SEPTIN2: variants seen among roughly 807,000 people sequenced by gnomAD.
SEPTIN2 encodes the protein septin 2.
In SEPTIN2, 34 loss-of-function variants were observed where a neutral mutation model predicts 46.5. The ratio of observed to expected loss-of-function variants is 0.73; its 90% CI spans 0.56 to 0.97. The LOEUF (loss-of-function observed/expected upper bound fraction) is 0.97. SEPTIN2 is among the 50% of genes least tolerant of loss of function. The pLI, the probability that SEPTIN2 is intolerant of heterozygous loss-of-function variation, is 0.00. For missense variants in SEPTIN2, 347 were observed against 448.4 expected, an observed-to-expected ratio of 0.77 and a Z score of 2.04; for synonymous variants, 175 against 153.4, an observed-to-expected ratio of 1.14 and a Z score of -1.04.
intron 3 of SEPTIN2, among the ~76,000 whole-genome samples, chr2:241,327,652 C>T (rs971411948): frequency 6.6e-6 from 1 of 151,772 alleles, no homozygotes; most frequent in Non-Finnish European, 1.5e-5. Context: ...TAACACGCTA[C>T]CAGAAACTAC....
chr2:241,345,562 T>C (rs1352695851), intron 9 of SEPTIN2, among the ~76,000 whole-genome samples: 1 of 152,254 alleles, frequency 6.6e-6, no homozygotes, highest in African/African-American at 2.4e-5. Flanking sequence ...TGCTCATTCT[T>C]GCCTGCTTTT....
chr2:241,324,624 A>G (rs1377206901), intron 2 of SEPTIN2: 2 of 300,438 alleles, frequency 6.7e-6, no homozygotes, highest in Non-Finnish European at 1.3e-5. Context: ...TGACCTCGTG[A>G]TCCACCCGCT....
chr2:241,333,650 C>G (rs1426882715), intron 3 of SEPTIN2, among the ~76,000 whole-genome samples: 2 of 151,672 alleles, frequency 1.3e-5, no homozygotes, highest in African/African-American at 2.4e-5. Context: ...ACTACAGGCG[C>G]CCGCCACCAC....
chr2:241,350,279 C>T, intron 12 of SEPTIN2, 76 bp downstream of exon 12: 1 of 741,820 alleles, frequency 1.3e-6, no homozygotes, highest in Non-Finnish European at 2.1e-6. Context: ...ACAGGTTCCT[C>T]CTTAAGCCTC....
rs560942587 is a variant in SEPTIN2 at position 241,331,921 on chromosome 2, A to G, written c.131-3205A>G. On this transcript the variant is annotated intron_variant, in intron 3 of 12. Coordinates refer to ENST00000391971, the MANE Select transcript of SEPTIN2 (RefSeq NM_004404.5). ...TAGACCCATCAATATAATAAGTTCA[A>G]TTGTTTTTTTGGTTTCGTTTTTTGA... Among the ~76,000 whole-genome samples, 5 of 152,248 alleles carry G rather than the reference A, an allele frequency of 3.3e-5. No homozygotes were observed. The South Asian group carries it at 6.2e-4, about 19-fold the overall frequency.
intron 3 of SEPTIN2, among the ~76,000 whole-genome samples, chr2:241,332,226 C>G (rs2079115388): frequency 6.6e-6 from 1 of 152,088 alleles, no homozygotes; most frequent in Non-Finnish European, 1.5e-5. Context: ...GAAAAGACAT[C>G]AATAGGAAAA....
intron 10 of SEPTIN2, among the ~76,000 whole-genome samples, chr2:241,347,484 G>T (rs2060362768): frequency 6.6e-6 from 1 of 152,184 alleles, no homozygotes; most frequent in Admixed American, 6.5e-5. Flanking sequence ...TGCTTGGGGA[G>T]CTTACCCTTT....
At chr2:241,318,894 C>T (rs1285455560) in intron 1 of SEPTIN2, among the ~76,000 whole-genome samples, 1 of 151,984 alleles carries the variant, frequency 6.6e-6, no homozygotes, top group Non-Finnish European at 1.5e-5. Context: ...GACGGGGTTT[C>T]ACCATGTTGG....
At chr2:241,323,765 A>G (rs1320206334) in intron 1 of SEPTIN2, among the ~76,000 whole-genome samples, 1 of 152,252 alleles carries the variant, frequency 6.6e-6, no homozygotes, top group African/African-American at 2.4e-5. Flanking sequence ...AGGATTGTTT[A>G]TATAGGCAAA....
intron 1 of SEPTIN2, among the ~76,000 whole-genome samples, chr2:241,319,768 A>G (rs1344551664): frequency 6.6e-6 from 1 of 151,830 alleles, no homozygotes; most frequent in Non-Finnish European, 1.5e-5. Flanking sequence ...ATTTTTTTGT[A>G]TTTTTTGTAG....
chr2:241,322,358 C>CA (rs2077252731), intron 1 of SEPTIN2, among the ~76,000 whole-genome samples: 1 of 152,062 alleles, frequency 6.6e-6, no homozygotes, highest in Non-Finnish European at 1.5e-5. Context: ...GTAATCCCAG[C>CA]ACCTTGGGAG....
chr2:241,323,223 T>C (rs938349069), intron 1 of SEPTIN2, among the ~76,000 whole-genome samples: 1 of 151,462 alleles, frequency 6.6e-6, no homozygotes, highest in Admixed American at 6.6e-5. Context: ...CAGGTTGGAG[T>C]GCAGTGGCAT....
intron 7 of SEPTIN2, among the ~76,000 whole-genome samples, chr2:241,340,069 A>T (rs1045352286): frequency 1.3e-5 from 2 of 152,216 alleles, no homozygotes; most frequent in African/African-American, 4.8e-5. Context: ...ATACATTTAA[A>T]TTTTTGAAGG....
chr2:241,338,579 G>A (rs2080436365), intron 7 of SEPTIN2, among the ~76,000 whole-genome samples: 1 of 134,534 alleles, frequency 7.4e-6, no homozygotes, highest in Admixed American at 8.9e-5. Flanking sequence ...GCAATACGCT[G>A]TCTCTAAAAA....
intron 9 of SEPTIN2, among the ~76,000 whole-genome samples, chr2:241,345,201 A>G (rs1483266825): frequency 1.3e-5 from 2 of 152,168 alleles, no homozygotes; most frequent in African/African-American, 4.8e-5. Flanking sequence ...ACTGATGTGG[A>G]TAAATCAGTG....
rs2081570269 is a variant in SEPTIN2 at position 241,343,660 on chromosome 2, A to G, written c.697-92A>G. 14 of 1,402,732 alleles carry G rather than the reference A, an allele frequency of 1.0e-5. No homozygotes were observed. The South Asian group carries it at 1.8e-4, about 18-fold the overall frequency. The allele number at this position is 1,402,732 out of a possible 1,614,324, so 86.9% of individuals were successfully genotyped here. On this transcript the variant is annotated intron_variant, in intron 8 of 12. Transcript: ENST00000391971. ...CCAATTCAGTTTTGTAGTCAACAGCAATGTGTTAAGTCTGTGCTAATGTTC... is the reference window on the plus strand; with the variant it reads ...CCAATTCAGTTTTGTAGTCAACAGCGATGTGTTAAGTCTGTGCTAATGTTC...
At chr2:241,326,923 A>C (rs1302135044) in intron 3 of SEPTIN2, among the ~76,000 whole-genome samples, 1 of 151,974 alleles carries the variant, frequency 6.6e-6, no homozygotes, top group Non-Finnish European at 1.5e-5. Context: ...AAAATATGAA[A>C]ACTAGCCAGG....
intron 3 of SEPTIN2, among the ~76,000 whole-genome samples, chr2:241,329,497 C>A (rs2078621277): frequency 1.3e-5 from 2 of 152,134 alleles, no homozygotes; most frequent in Admixed American, 1.3e-4. Context: ...TTACAAATGA[C>A]AAGAAAACTA....
Position 241,350,053 on chromosome 2 carries a change from ATGTGTG to A in SEPTIN2, c.985-12_985-7del, listed in dbSNP as rs760119730. 53 of 1,602,766 alleles carry A rather than the reference ATGTGTG, an allele frequency of 3.3e-5. No individual in the cohort carries two copies. The highest frequency in any genetic ancestry group is 4.5e-5 in the Non-Finnish European group (53 of 1,171,412). ...AGACAGCAAACCTTGAAAACCTATA[ATGTGTG>A]TGTGTGTTCACAGCTCCGCCGCATG... is the stretch of plus-strand genomic sequence containing the variant. On this transcript the variant is annotated splice_polypyrimidine_tract_variant and intron_variant, in intron 11 of 12. Transcript: ENST00000391971.
Sources: allele counts gnomAD v4.1 joint callset (sites outside exome capture counted in the v4.1 genomes callset), GRCh38; gene constraint gnomAD v4.1.1; transcripts MANE v1.5; gene names NCBI Gene and HGNC (gene_info 2026-07-23, HGNC 2026-07-21).